The following CFDP1 variants were observed in gnomAD, a reference collection of about 807,000 sequenced individuals.
CFDP1 encodes the protein heterochromatin-stabilizing protein CFDP1.
In CFDP1, 31 loss-of-function variants were observed where a neutral mutation model predicts 40.1. That is an observed-to-expected ratio of 0.77 (90% confidence interval 0.58 to 1.04). The LOEUF is 1.04. Ranked by LOEUF, CFDP1 falls within the 50% of genes least tolerant of loss-of-function variation. CFDP1 has a pLI of 0.00. For synonymous variants in CFDP1, 167 were observed against 120.0 expected (o/e 1.39, Z -2.56); for missense variants, 423 against 343.4 (o/e 1.23, Z -1.83).
At chr16:75,376,768 A>C (rs1042178013) in intron 5 of CFDP1, among the ~76,000 whole-genome samples, 2 of 152,226 alleles carry the variant, frequency 1.3e-5, no homozygotes, top group Non-Finnish European at 2.9e-5. Flanking sequence ...GGCTTTCTGT[A>C]AGACACACCC....
chr16:75,418,770 CAAAG>C (rs1327275181), intron 1 of CFDP1, among the ~76,000 whole-genome samples: 1 of 147,728 alleles, frequency 6.8e-6, no homozygotes, highest in African/African-American at 2.5e-5. Context: ...AGGTCTGAGG[CAAAG>C]AAAGCACAAG....
At chr16:75,344,962 AAG>A (rs1483862762) in intron 5 of CFDP1, among the ~76,000 whole-genome samples, 2 of 152,098 alleles carry the variant, frequency 1.3e-5, no homozygotes, top group African/African-American at 4.8e-5. Flanking sequence ...GAAAAAAAGA[AAG>A]AACATTTTCA....
chr16:75,360,248 G>A (rs1034730036), intron 5 of CFDP1, among the ~76,000 whole-genome samples: 1 of 145,482 alleles, frequency 6.9e-6, no homozygotes, highest in Admixed American at 7.3e-5. Flanking sequence ...ACCTAGATGG[G>A]AGATGACTCC....
In CFDP1 at chr16:75,378,277, C is replaced by T. The variant is rs964281353; in HGVS notation, c.650+16813G>A. Reference sequence around the variant, plus strand: ...TAGGTCTTGTGGAATGAGTAAGGAGCATCTCACGTCTCTGCTTGAACTATG... The same window carrying T: ...TAGGTCTTGTGGAATGAGTAAGGAGTATCTCACGTCTCTGCTTGAACTATG... On this transcript the variant is annotated intron_variant, in intron 5 of 6. Coordinates refer to ENST00000283882, the MANE Select transcript of CFDP1 (RefSeq NM_006324.3). Among the ~76,000 whole-genome samples, 4 of 41,422 alleles carry T rather than the reference C, an allele frequency of 9.7e-5. No individual in the cohort carries two copies. The East Asian group carries it at 1.3e-3, about 14-fold the overall frequency. The allele number at this position is 41,422 out of a possible 152,430, so 27.2% of individuals were successfully genotyped here. A position where few individuals can be genotyped will look rare whatever the true frequency, so the allele number is the denominator to read the frequency against.
intron 5 of CFDP1, among the ~76,000 whole-genome samples, chr16:75,322,261 C>T (rs541857766): frequency 1.3e-5 from 2 of 152,248 alleles, no homozygotes; most frequent in Non-Finnish European, 2.9e-5. Context: ...ATATCACCAA[C>T]ACTATTTCGG....
intron 5 of CFDP1, among the ~76,000 whole-genome samples, chr16:75,375,871 C>T (rs1454939160): frequency 6.6e-6 from 1 of 151,772 alleles, no homozygotes; most frequent in Non-Finnish European, 1.5e-5. Flanking sequence ...ACATCACTGG[C>T]AAAATATAAA....
chr16:75,359,902 C>T (rs1026712244), intron 5 of CFDP1, among the ~76,000 whole-genome samples: 1 of 152,150 alleles, frequency 6.6e-6, no homozygotes, highest in Admixed American at 6.5e-5. Context: ...ATTTGCATTG[C>T]TAATGGCTAC....
intron 5 of CFDP1, among the ~76,000 whole-genome samples, chr16:75,321,197 T>C (rs1411828678): frequency 6.6e-6 from 1 of 152,198 alleles, no homozygotes; most frequent in Non-Finnish European, 1.5e-5. Context: ...ACTCCTGGGC[T>C]CAAGGGATCC....
At position 75,433,276 on chromosome 16, in the gene CFDP1, CG is replaced by C. The variant is rs1567688195; in HGVS notation, c.64+12del. 1 of 1,592,834 alleles carries C rather than the reference CG, an allele frequency of 6.3e-7. No homozygotes were observed. The highest frequency in any genetic ancestry group is 1.3e-5 in the African/African-American group (1 of 74,562). Reference sequence around the variant, plus strand: ...GGGGCAATTCGCTTCTCGCCTCAGGCGGAATCGCTCACCCGACGGCACGTAG... The same window carrying C: ...GGGGCAATTCGCTTCTCGCCTCAGGCGAATCGCTCACCCGACGGCACGTAG... On this transcript the variant is annotated intron_variant, in intron 1 of 6. Transcript: ENST00000283882.
intron 5 of CFDP1, among the ~76,000 whole-genome samples, chr16:75,332,802 T>C: frequency 6.6e-6 from 1 of 151,474 alleles, no homozygotes; most frequent in South Asian, 2.1e-4. Context: ...CATGTTCTTT[T>C]TTTTTTTTTC....
intron 5 of CFDP1, among the ~76,000 whole-genome samples, chr16:75,306,976 G>A (rs1278224277): frequency 6.6e-6 from 1 of 152,020 alleles, no homozygotes; most frequent in Non-Finnish European, 1.5e-5. Flanking sequence ...AACTTACTGT[G>A]TCTCAAATCT....
chr16:75,413,455 G>A (rs1414902751), intron 2 of CFDP1, among the ~76,000 whole-genome samples: 1 of 151,730 alleles, frequency 6.6e-6, no homozygotes, highest in Non-Finnish European at 1.5e-5. Flanking sequence ...GCCACTCGGA[G>A]GCTGAGGCAG....
At chr16:75,389,550 GA>G (rs1309912519) in intron 5 of CFDP1, among the ~76,000 whole-genome samples, 2 of 152,118 alleles carry the variant, frequency 1.3e-5, no homozygotes, top group Admixed American at 6.5e-5. Context: ...TGTGGGACAG[GA>G]TGTTTTACTC....
intron 5 of CFDP1, among the ~76,000 whole-genome samples, chr16:75,329,413 A>G (rs1297163354): frequency 6.6e-6 from 1 of 152,160 alleles, no homozygotes; most frequent in African/African-American, 2.4e-5. Context: ...GACTTTTCAA[A>G]TTATGCATCC....
At chr16:75,407,149 G>A (rs557060777) in intron 4 of CFDP1, among the ~76,000 whole-genome samples, 8 of 152,296 alleles carry the variant, frequency 5.3e-5, no homozygotes, top group African/African-American at 1.9e-4. Flanking sequence ...CAAGGTTACA[G>A]TAATCAATGA....
At chr16:75,326,358 T>C (rs2078401038) in intron 5 of CFDP1, among the ~76,000 whole-genome samples, 1 of 152,220 alleles carries the variant, frequency 6.6e-6, no homozygotes, top group Non-Finnish European at 1.5e-5. Flanking sequence ...TGAATGGACA[T>C]AATTGGAGCA....
chr16:75,330,324 C>T (rs566369733), intron 5 of CFDP1, among the ~76,000 whole-genome samples: 74 of 152,274 alleles, frequency 4.9e-4, no homozygotes, highest in Middle Eastern at 6.8e-3. Flanking sequence ...CAGTGGCTCA[C>T]GTGTATTATC....
chr16:75,378,758 A>G (rs1212148274), intron 5 of CFDP1, among the ~76,000 whole-genome samples: 1 of 152,194 alleles, frequency 6.6e-6, no homozygotes, highest in Admixed American at 6.5e-5. Context: ...CCGACAAAAA[A>G]GGAATTTATT....
intron 4 of CFDP1, among the ~76,000 whole-genome samples, chr16:75,404,516 C>G (rs958202887): frequency 6.6e-6 from 1 of 152,082 alleles, no homozygotes; most frequent in African/African-American, 2.4e-5. Flanking sequence ...CCACCGCGCC[C>G]GGCCGCAAAG....
Sources: gnomAD v4.1 joint callset for allele counts (sites outside exome capture counted in the v4.1 genomes callset) on GRCh38, gnomAD v4.1.1 for gene constraint, MANE v1.5 for transcripts, NCBI Gene and HGNC (gene_info 2026-07-23, HGNC 2026-07-21) for gene names.